DPP10: variants seen among roughly 807,000 people sequenced by gnomAD.
DPP10 encodes the protein inactive dipeptidyl peptidase 10.
DPP10 carries 33 observed loss-of-function variants against 120.9 expected under a neutral mutation model. The ratio of observed to expected loss-of-function variants is 0.27; its 90% CI spans 0.21 to 0.37. The LOEUF is 0.37. Among genes scored for constraint, DPP10 ranks in the 10% least tolerant of loss-of-function variants. The pLI, the probability that DPP10 is intolerant of heterozygous loss-of-function variation, is 1.00. For synonymous variants in DPP10, 337 were observed against 326.1 expected, an observed-to-expected ratio of 1.03 and a Z score of -0.36; for missense variants, 816 against 942.8, an observed-to-expected ratio of 0.87 and a Z score of 1.76.
At chr2:114,697,716 C>A (rs1700148909) in intron 1 of DPP10, among the ~76,000 whole-genome samples, 1 of 146,234 alleles carries the variant, frequency 6.8e-6, no homozygotes, top group South Asian at 2.2e-4. Flanking sequence ...CGCAACTGCA[C>A]TCCAGCCTAG....
chr2:115,720,408 A>G (rs2092616963), intron 7 of DPP10, among the ~76,000 whole-genome samples: 1 of 152,156 alleles, frequency 6.6e-6, no homozygotes, highest in South Asian at 2.1e-4. Context: ...TGCTTAGAGG[A>G]GGAAACTTTT....
intron 2 of DPP10, among the ~76,000 whole-genome samples, chr2:115,338,348 G>A (rs1296184782): frequency 6.6e-6 from 1 of 151,906 alleles, no homozygotes; most frequent in East Asian, 1.9e-4. Flanking sequence ...AGAAAAATAT[G>A]TTTATATAAA....
chr2:115,143,030 G>C (rs1040145358), intron 1 of DPP10, among the ~76,000 whole-genome samples: 3 of 152,082 alleles, frequency 2.0e-5, no homozygotes, highest in African/African-American at 7.2e-5. Context: ...GTAAACTCTT[G>C]TTCCTAGAAA....
intron 1 of DPP10, among the ~76,000 whole-genome samples, chr2:114,934,066 G>A (rs949505477): frequency 6.6e-6 from 1 of 152,104 alleles, no homozygotes; most frequent in African/African-American, 2.4e-5. Flanking sequence ...TAAAATGTAG[G>A]GATGTGGTAA....
Position 115,836,518 on chromosome 2 carries a change from T to C in DPP10, c.2062T>C (p.Ser688Pro). ...TDLKLYASAFSERYLGMPSKE... is the reference protein window; with the variant it reads ...TDLKLYASAFPERYLGMPSKE... ...TTCTTGGGTCACAGCCTCAGCTTTC[T>C]CTGAAAGATACCTTGGGATGCCATC... The change falls in exon 23 of 26, where the codon TCT becomes CCT. Residue 688 changes from serine to proline, a missense_variant. Transcript: ENST00000410059. The C allele has an allele frequency of 6.2e-7, 1 of 1,613,634 alleles. No homozygotes were observed. The highest frequency in any genetic ancestry group is 8.5e-7 in the Non-Finnish European group (1 of 1,179,830).
chr2:115,327,491 T>C (rs536444707), intron 2 of DPP10, among the ~76,000 whole-genome samples: 145 of 152,206 alleles, frequency 9.5e-4, no homozygotes, highest in South Asian at 6.2e-3. Context: ...GGCTCGAATT[T>C]TTTTGTTTGT....
intron 1 of DPP10, among the ~76,000 whole-genome samples, chr2:114,568,760 G>T (rs1333777583): frequency 6.6e-6 from 1 of 152,170 alleles, no homozygotes; most frequent in South Asian, 2.1e-4. Flanking sequence ...ATTCGCCTTT[G>T]CTGTAGGTGT....
In DPP10 at chr2:115,100,857, A is replaced by G. The variant is rs145064460; in HGVS notation, c.61-208382A>G. ...GTTTATCCTTCCAGGCCCCTGAACA[A>G]TTAGTCAATTCACCACAGTCCATGA... On this transcript the variant is annotated intron_variant, in intron 1 of 25. Coordinates refer to ENST00000410059, the MANE Select transcript of DPP10 (RefSeq NM_020868.6). Among the ~76,000 whole-genome samples, 545 of 152,294 alleles carry G rather than the reference A, an allele frequency of 3.6e-3. 5 individuals are homozygous for G. Among genetic ancestry groups the G allele is most frequent in the African/African-American group, 0.013 (523 of 41,550 alleles).
At chr2:115,477,883 G>A (rs1574963101) in intron 3 of DPP10, among the ~76,000 whole-genome samples, 1 of 152,156 alleles carries the variant, frequency 6.6e-6, no homozygotes, top group African/African-American at 2.4e-5. Context: ...TAGGAAGCAT[G>A]GTGCTGGCAT....
chr2:115,559,132 G>A (rs553937434), intron 5 of DPP10, among the ~76,000 whole-genome samples: 1 of 152,170 alleles, frequency 6.6e-6, no homozygotes, highest in Non-Finnish European at 1.5e-5. Context: ...TTTCCAGATT[G>A]ACTATATATA....
chr2:115,797,366 T>C (rs1446018707), intron 19 of DPP10, among the ~76,000 whole-genome samples: 1 of 152,042 alleles, frequency 6.6e-6, no homozygotes, highest in African/African-American at 2.4e-5. Flanking sequence ...GATGAAGACA[T>C]ATATATTCCA....
chr2:115,278,674 G>C (rs1352308975), intron 1 of DPP10, among the ~76,000 whole-genome samples: 8 of 151,978 alleles, frequency 5.3e-5, no homozygotes, highest in Non-Finnish European at 1.0e-4. Context: ...GATATGCCAG[G>C]CTATTTTTAA....
At chr2:114,450,864 A>G (rs767581907) in intron 1 of DPP10, among the ~76,000 whole-genome samples, 69 of 152,068 alleles carry the variant, frequency 4.5e-4, no homozygotes, top group Non-Finnish European at 4.0e-4. Context: ...GCTGATTTCA[A>G]TAGGTAGGGC....
intron 1 of DPP10, among the ~76,000 whole-genome samples, chr2:114,541,888 T>G (rs1686980504): frequency 6.6e-6 from 1 of 152,100 alleles, no homozygotes; most frequent in South Asian, 2.1e-4. Flanking sequence ...GTAATGGGAT[T>G]ATGGTTTTTA....
At chr2:114,538,810 C>A (rs1163309178) in intron 1 of DPP10, among the ~76,000 whole-genome samples, 1 of 152,226 alleles carries the variant, frequency 6.6e-6, no homozygotes, top group Non-Finnish European at 1.5e-5. Flanking sequence ...GAATGTCCAA[C>A]TTGCAGTAGG....
intron 1 of DPP10, among the ~76,000 whole-genome samples, chr2:115,095,573 GGTTTTTTTTTT>G (rs934195785): frequency 7.5e-6 from 1 of 133,898 alleles, no homozygotes; most frequent in African/African-American, 2.6e-5. Flanking sequence ...AATTCTGTTT[GGTTTTTTTTTT>G]GTTTTTTTTT....
intron 3 of DPP10, among the ~76,000 whole-genome samples, chr2:115,392,612 C>T (rs188445027): frequency 0.01 from 1,572 of 152,080 alleles, 24 homozygotes; most frequent in African/African-American, 0.037. Flanking sequence ...ATATTATCTT[C>T]ACAATAATAT....
In DPP10 at chr2:114,633,296, G is replaced by C. The variant is rs547563835; in HGVS notation, c.60+190458G>C. ...TGACAGAGTCTCGCTCTATCACCCAGGCTGGAGTGCAGTGGCACGATCTCG... is the reference window on the plus strand; with the variant it reads ...TGACAGAGTCTCGCTCTATCACCCACGCTGGAGTGCAGTGGCACGATCTCG... On this transcript the variant is annotated intron_variant, in intron 1 of 25. Transcript: ENST00000410059. Among the ~76,000 whole-genome samples the C allele has an allele frequency of 1.2e-4, 15 of 128,486 alleles. No homozygotes were observed. In the East Asian group the frequency reaches 3.4e-3, roughly 29 times the overall value. The allele number at this position is 128,486 out of a possible 152,430, so 84.3% of individuals were successfully genotyped here.
intron 21 of DPP10, 56 bp downstream of exon 21, chr2:115,815,785 T>C: frequency 6.8e-7 from 1 of 1,473,650 alleles, no homozygotes; most frequent in Non-Finnish European, 9.4e-7. Flanking sequence ...TTATGTAATA[T>C]CCTATTACAC....
Sources: allele counts gnomAD v4.1 joint callset (sites outside exome capture counted in the v4.1 genomes callset), GRCh38; gene constraint gnomAD v4.1.1; transcripts MANE v1.5; gene names NCBI Gene and HGNC (gene_info 2026-07-23, HGNC 2026-07-21).